The following CACNB2 variants were observed in gnomAD, a reference collection of about 807,000 sequenced individuals.
CACNB2 encodes the protein calcium voltage-gated channel auxiliary subunit beta 2, also known as voltage-dependent L-type calcium channel subunit beta-2.
CACNB2 carries 42 observed loss-of-function variants against 73.3 expected under a neutral mutation model. That is an observed-to-expected ratio of 0.57 (90% confidence interval 0.45 to 0.74). The LOEUF is 0.74. CACNB2 is among the 30% of genes least tolerant of loss of function. CACNB2 has a pLI of 0.00. For synonymous variants in CACNB2, 348 were observed against 310.3 expected, an observed-to-expected ratio of 1.12 and a Z score of -1.28; for missense variants, 940 against 853.0, an observed-to-expected ratio of 1.10 and a Z score of -1.27.
At chr10:18,261,368 G>A (rs761633693) in intron 2 of CACNB2, 2 of 1,551,322 alleles carry the variant, frequency 1.3e-6, no homozygotes, top group South Asian at 1.2e-5. Flanking sequence ...AATACTATTC[G>A]TGTCTGTCTG....
At chr10:18,360,277 T>A (rs1348549173) in intron 2 of CACNB2, among the ~76,000 whole-genome samples, 1 of 152,150 alleles carries the variant, frequency 6.6e-6, no homozygotes, top group Non-Finnish European at 1.5e-5. Context: ...TAGGCTGGAG[T>A]GCAGTAGAGC....
intron 2 of CACNB2, chr10:18,261,407 AT>A (rs2037536880): frequency 1.3e-6 from 2 of 1,536,054 alleles, no homozygotes; most frequent in African/African-American, 2.7e-5. Flanking sequence ...AGCTGTTTTT[AT>A]TCCCTGTGCT....
intron 2 of CACNB2, among the ~76,000 whole-genome samples, chr10:18,214,626 CAAAAAAAAAAAAAAAA>C (rs751930257): frequency 1.3e-4 from 2 of 15,106 alleles, no homozygotes; most frequent in South Asian, 5.1e-3. Flanking sequence ...GACTCCATCT[CAAAAAAAAAAAAAAAA>C]AAAAAAAAAA....
chr10:18,377,861 C>T (rs185519380), intron 2 of CACNB2, among the ~76,000 whole-genome samples: 52 of 152,296 alleles, frequency 3.4e-4, no homozygotes, highest in East Asian at 1.7e-3. Context: ...CTTGCCAACA[C>T]AAACATTAAC....
chr10:18,376,942 G>A (rs1476614512), intron 2 of CACNB2, among the ~76,000 whole-genome samples: 1 of 152,128 alleles, frequency 6.6e-6, no homozygotes, highest in Non-Finnish European at 1.5e-5. Context: ...TGTCCAAGAT[G>A]GCGATGTTCC....
chr10:18,490,365 A>G (rs1259633017), intron 3 of CACNB2, among the ~76,000 whole-genome samples: 2 of 152,224 alleles, frequency 1.3e-5, no homozygotes, highest in East Asian at 3.8e-4. Context: ...GCTATGTAGC[A>G]TGTGCTCATA....
At chr10:18,253,300 C>T (rs924961293) in intron 2 of CACNB2, among the ~76,000 whole-genome samples, 2 of 152,100 alleles carry the variant, frequency 1.3e-5, no homozygotes, top group Non-Finnish European at 2.9e-5. Flanking sequence ...AAGTCAGATA[C>T]TGGTGGGGCT....
chr10:18,141,365 G>T (rs774136371), intron 1 of CACNB2: 6 of 758,878 alleles, frequency 7.9e-6, no homozygotes, highest in Non-Finnish European at 9.1e-6. Context: ...GGGGTGCCCT[G>T]CCGGATCCCC....
chr10:18,361,017 T>C (rs2042117227), intron 2 of CACNB2, among the ~76,000 whole-genome samples: 1 of 152,142 alleles, frequency 6.6e-6, no homozygotes, highest in South Asian at 2.1e-4. Context: ...ATTGTGGTTT[T>C]TTTCCTGCCT....
At chr10:18,286,457 G>A (rs915450903) in intron 2 of CACNB2, among the ~76,000 whole-genome samples, 1 of 136,132 alleles carries the variant, frequency 7.3e-6, no homozygotes, top group African/African-American at 2.7e-5. Flanking sequence ...GGTGGAGCTT[G>A]CAGCAAGCCG....
intron 2 of CACNB2, among the ~76,000 whole-genome samples, chr10:18,152,807 T>C (rs987089045): frequency 2.0e-5 from 3 of 151,190 alleles, no homozygotes; most frequent in African/African-American, 4.9e-5. Flanking sequence ...AGCCGCTTGT[T>C]GAAATTGCAC....
At chr10:18,261,361 A>C in intron 2 of CACNB2, 1 of 1,551,464 alleles carries the variant, frequency 6.4e-7, no homozygotes, top group Non-Finnish European at 8.7e-7. Context: ...AGCTGAAAAT[A>C]CTATTCGTGT....
At chr10:18,337,546 T>G (rs1383202208) in intron 2 of CACNB2, among the ~76,000 whole-genome samples, 1 of 152,226 alleles carries the variant, frequency 6.6e-6, no homozygotes, top group African/African-American at 2.4e-5. Context: ...GACATTTATT[T>G]ATTATAAATT....
intron 3 of CACNB2, among the ~76,000 whole-genome samples, chr10:18,452,078 A>T (rs191039081): frequency 6.6e-6 from 1 of 152,202 alleles, no homozygotes; most frequent in Non-Finnish European, 1.5e-5. Flanking sequence ...TTGCATCTTC[A>T]TGAATTATTC....
intron 2 of CACNB2, among the ~76,000 whole-genome samples, chr10:18,370,664 A>G (rs1470778492): frequency 6.6e-6 from 1 of 152,234 alleles, no homozygotes; most frequent in African/African-American, 2.4e-5. Context: ...AGAAGTCCTC[A>G]TAGGGCTGGG....
intron 3 of CACNB2, among the ~76,000 whole-genome samples, chr10:18,487,573 G>A (rs952329885): frequency 3.3e-5 from 5 of 152,122 alleles, no homozygotes; most frequent in African/African-American, 7.2e-5. Flanking sequence ...GGTGGCTCAC[G>A]CCTGTTATCC....
intron 10 of CACNB2, among the ~76,000 whole-genome samples, chr10:18,528,261 G>C (rs1468995520): frequency 6.6e-6 from 1 of 152,102 alleles, no homozygotes; most frequent in African/African-American, 2.4e-5. Context: ...CAATATGTTT[G>C]TTTTATTTGT....
intron 2 of CACNB2, among the ~76,000 whole-genome samples, chr10:18,363,032 CTG>C (rs965075509): frequency 2.0e-5 from 3 of 152,178 alleles, no homozygotes; most frequent in African/African-American, 7.2e-5. Flanking sequence ...AGCTGATTGT[CTG>C]TGTTGAAGAC....
At chr10:18,406,320 A>G (rs1275390782) in intron 3 of CACNB2, among the ~76,000 whole-genome samples, 1 of 152,182 alleles carries the variant, frequency 6.6e-6, no homozygotes, top group Admixed American at 6.5e-5. Context: ...AGTGGCTTAA[A>G]AGTAGACCTC....
Sources: allele counts gnomAD v4.1 joint callset (sites outside exome capture counted in the v4.1 genomes callset), GRCh38; gene constraint gnomAD v4.1.1; transcripts MANE v1.5; gene names NCBI Gene and HGNC (gene_info 2026-07-23, HGNC 2026-07-21).